SVEP1: variants seen among roughly 807,000 people sequenced by gnomAD.
SVEP1 encodes the protein sushi, von Willebrand factor type A, EGF and pentraxin domain-containing protein 1.
In SVEP1, 164 loss-of-function variants were observed where a neutral mutation model predicts 367.3. The observed-to-expected ratio is 0.45, with a 90% CI of 0.39 to 0.51. The LOEUF is 0.51. Among genes scored for constraint, SVEP1 ranks in the 20% least tolerant of loss-of-function variants. The probability of loss-of-function intolerance (pLI) is 0.00; values close to 1 mark genes in which losing one functional copy is unlikely to be tolerated. For missense variants in SVEP1, 4,117 were observed against 4,425.3 expected (o/e 0.93, Z 1.98); for synonymous variants, 1,666 against 1,611.6 (o/e 1.03, Z -0.81).
At chr9:110,529,408 T>G (rs1829987542) in intron 3 of SVEP1, among the ~76,000 whole-genome samples, 1 of 152,108 alleles carries the variant, frequency 6.6e-6, no homozygotes, top group Non-Finnish European at 1.5e-5. Context: ...AATGACATTG[T>G]TATTTTGATA....
chr9:110,555,067 T>A (rs950916942), intron 1 of SVEP1, among the ~76,000 whole-genome samples: 17 of 152,142 alleles, frequency 1.1e-4, no homozygotes, highest in Admixed American at 9.2e-4. Flanking sequence ...TCTGTCTGAG[T>A]TGTTCCCCTC....
chr9:110,459,145 A>C lies in SVEP1; in HGVS notation c.3323-32T>G, dbSNP rs760033988. The C allele has an allele frequency of 1.1e-5, 17 of 1,600,926 alleles. No homozygotes were observed. The Middle Eastern group carries it at 6.6e-4, about 63-fold the overall frequency. The stretch of plus-strand genomic sequence containing the variant: ...AGGTAAAAACAAATCATATGTGCAT[A>C]TAAAGTAACACACCCTACATTTGAA... On this transcript the variant is annotated intron_variant, in intron 18 of 47. Transcript: ENST00000374469.
At chr9:110,394,092 C>G (rs1308839305) in intron 40 of SVEP1, among the ~76,000 whole-genome samples, 1 of 152,184 alleles carries the variant, frequency 6.6e-6, no homozygotes, top group East Asian at 1.9e-4. Context: ...AGTAGCCTAA[C>G]TGGGAGGCAC....
chr9:110,540,894 C>T (rs1014491960), intron 3 of SVEP1, among the ~76,000 whole-genome samples: 7 of 152,070 alleles, frequency 4.6e-5, no homozygotes, highest in African/African-American at 1.2e-4. Flanking sequence ...GGGAAGCCAC[C>T]GCCTTGGCTA....
chr9:110,375,275 C>A (rs1827332356), intron 46 of SVEP1, 93 bp downstream of exon 46: 2 of 1,095,818 alleles, frequency 1.8e-6, no homozygotes, highest in South Asian at 1.6e-5. Context: ...TTTCATTTTG[C>A]CACCACTTCT....
At position 110,392,153 on chromosome 9, in the gene SVEP1, A is replaced by C. The variant is rs149672831; in HGVS notation, c.9823-2566T>G. On this transcript the variant is annotated intron_variant, in intron 40 of 47. Transcript: ENST00000374469. ...CCTCATTATATATATATATATATAT[A>C]TCTCTTCTCTCTCTCTCCTATTGGT... 8.7e-3 allele frequency among the ~76,000 whole-genome samples: 1,293 copies of C among 147,800 alleles called. 45 individuals carry two copies. Among genetic ancestry groups the C allele is most frequent in the African/African-American group, 0.031 (1,210 of 39,472 alleles).
At chr9:110,397,467 C>T (rs1021254961) in intron 40 of SVEP1, among the ~76,000 whole-genome samples, 36 of 152,268 alleles carry the variant, frequency 2.4e-4, no homozygotes, top group African/African-American at 8.2e-4. Flanking sequence ...CACTCCTATT[C>T]AACATAGTGT....
At chr9:110,576,233 A>T (rs1254556159) in intron 1 of SVEP1, among the ~76,000 whole-genome samples, 4 of 151,958 alleles carry the variant, frequency 2.6e-5, no homozygotes, top group African/African-American at 9.7e-5. Context: ...AGTCTCACAC[A>T]CACACACACA....
intron 23 of SVEP1, 56 bp downstream of exon 23, chr9:110,451,233 A>C (rs2118613890): frequency 7.2e-7 from 1 of 1,379,628 alleles, no homozygotes; most frequent in East Asian, 2.3e-5. Context: ...AAATGTACTA[A>C]TTTGTGGTGG....
chr9:110,404,284 G>C lies in SVEP1; in HGVS notation c.9666+43C>G, dbSNP rs1426760855. ...AGATACTGCTTGCTTGGCAATATAT[G>C]TATATGTAGGCATTACACATTCTAA... is the stretch of plus-strand genomic sequence containing the variant. On this transcript the variant is annotated intron_variant, in intron 39 of 47. Transcript: ENST00000374469. 3.8e-6 allele frequency: 6 copies of C among 1,572,722 alleles called. No individual in the cohort carries two copies. The African/African-American group carries it at 4.1e-5, about 11-fold the overall frequency.
At chr9:110,552,182 C>A (rs955163997) in intron 1 of SVEP1, among the ~76,000 whole-genome samples, 3 of 151,936 alleles carry the variant, frequency 2.0e-5, no homozygotes, top group Non-Finnish European at 4.4e-5. Context: ...CAGGCACATA[C>A]CACCATGCCC....
Position 110,407,721 on chromosome 9 carries a change from G to T in SVEP1, c.7879C>A (p.Leu2627Ile), listed in dbSNP as rs753819574. Residue 2627 changes from leucine (L) to isoleucine (I), a missense_variant, in exon 38 of 48, where the codon CTC (leucine) becomes ATC (isoleucine). By Grantham distance (5) the Leu-to-Ile change is conservative. Coordinates refer to ENST00000374469, the MANE Select transcript of SVEP1 (RefSeq NM_153366.4). ...PHIDFGDCTK[L>I]KDDQGYFEQE... ...TCAAAATATCCCTGGTCATCTTTGA[G>T]TTTAGTACAGTCTCCAAAATCTATA... 1.4e-5 allele frequency: 22 copies of T among 1,613,856 alleles called. No individual in the cohort carries two copies. Among genetic ancestry groups the T allele is most frequent in the African/African-American group, 1.3e-5 (1 of 74,904 alleles).
chr9:110,502,434 A>T (rs1325723617), intron 6 of SVEP1, among the ~76,000 whole-genome samples: 3 of 152,004 alleles, frequency 2.0e-5, no homozygotes, highest in Non-Finnish European at 4.4e-5. Flanking sequence ...TTTCTTACTT[A>T]TATTTTAAAT....
At chr9:110,571,191 G>A (rs577878170) in intron 1 of SVEP1, among the ~76,000 whole-genome samples, 1 of 151,776 alleles carries the variant, frequency 6.6e-6, no homozygotes, top group Non-Finnish European at 1.5e-5. Context: ...TGGCCAGGCT[G>A]GTCTTGACCT....
At chr9:110,389,292 A>G (rs1827586038) in intron 41 of SVEP1, among the ~76,000 whole-genome samples, 1 of 152,190 alleles carries the variant, frequency 6.6e-6, no homozygotes, top group South Asian at 2.1e-4. Context: ...TTGCCATTCC[A>G]GAGTCAGTAA....
intron 3 of SVEP1, 98 bp from the exon 4 acceptor site, chr9:110,514,204 T>C (rs1829765496): frequency 1.1e-5 from 16 of 1,456,824 alleles, no homozygotes; most frequent in East Asian, 7.4e-5. Flanking sequence ...AGCCAAACAA[T>C]AGTTTTCCAT....
chr9:110,448,152 C>CGT (rs369931491), intron 24 of SVEP1, among the ~76,000 whole-genome samples: 19,596 of 138,818 alleles, frequency 0.14, 1,574 homozygotes, highest in South Asian at 0.23. Flanking sequence ...TGTGTGTGCG[C>CGT]GTGTGTGTGT....
intron 39 of SVEP1, among the ~76,000 whole-genome samples, chr9:110,402,706 A>C (rs1400380484): frequency 6.6e-6 from 1 of 152,190 alleles, no homozygotes; most frequent in Non-Finnish European, 1.5e-5. Context: ...GATTCCCTTA[A>C]TTATGGCAGA....
At chr9:110,446,611 T>C (rs577628362) in intron 25 of SVEP1, among the ~76,000 whole-genome samples, 13 of 152,352 alleles carry the variant, frequency 8.5e-5, no homozygotes, top group African/African-American at 3.1e-4. Context: ...TCAAGCGGCT[T>C]ATCAAAGTAT....
Sources: gnomAD v4.1 joint callset for allele counts (sites outside exome capture counted in the v4.1 genomes callset) on GRCh38, gnomAD v4.1.1 for gene constraint, MANE v1.5 for transcripts, NCBI Gene and HGNC (gene_info 2026-07-23, HGNC 2026-07-21) for gene names.